Variants in NKAIN2 observed in about 807,000 individuals in gnomAD.
NKAIN2 encodes sodium/potassium transporting ATPase interacting 2, also known as sodium/potassium-transporting ATPase subunit beta-1-interacting protein 2.
In NKAIN2, 14 loss-of-function variants were observed where a neutral mutation model predicts 32.6. The observed-to-expected ratio is 0.43, with a 90% CI of 0.28 to 0.67. NKAIN2 has a LOEUF of 0.67. Among genes scored for constraint, NKAIN2 ranks in the 30% least tolerant of loss-of-function variants. The probability of loss-of-function intolerance (pLI) is 0.17; values close to 1 mark genes in which losing one functional copy is unlikely to be tolerated. For synonymous variants in NKAIN2, 80 were observed against 87.2 expected (o/e 0.92, Z 0.46); for missense variants, 198 against 258.3 (o/e 0.77, Z 1.60).
chr6:124,377,030 T>A (rs917691524), intron 3 of NKAIN2, among the ~76,000 whole-genome samples: 1 of 152,202 alleles, frequency 6.6e-6, no homozygotes, highest in Non-Finnish European at 1.5e-5. Flanking sequence ...ATCACCCATT[T>A]AAGGTGGGTT....
intron 1 of NKAIN2, among the ~76,000 whole-genome samples, chr6:124,021,242 C>T (rs189179183): frequency 4.2e-4 from 64 of 152,124 alleles, no homozygotes; most frequent in African/African-American, 1.3e-3. Context: ...CGTACACACA[C>T]GTAACAATAT....
At chr6:124,199,835 A>G (rs1314825844) in intron 1 of NKAIN2, among the ~76,000 whole-genome samples, 1 of 152,166 alleles carries the variant, frequency 6.6e-6, no homozygotes, top group African/African-American at 2.4e-5. Context: ...AGCACAGTGC[A>G]CCAAAATGTA....
At chr6:123,850,472 G>A (rs887209834) in intron 1 of NKAIN2, among the ~76,000 whole-genome samples, 2 of 152,008 alleles carry the variant, frequency 1.3e-5, no homozygotes, top group Non-Finnish European at 2.9e-5. Flanking sequence ...TTAGAATTGA[G>A]GCAATGAGTA....
chr6:123,999,591 T>G (rs532731102), intron 1 of NKAIN2, among the ~76,000 whole-genome samples: 1 of 152,288 alleles, frequency 6.6e-6, no homozygotes, highest in African/African-American at 2.4e-5. Flanking sequence ...AACTTAAGTT[T>G]TATCCTGATT....
intron 4 of NKAIN2, among the ~76,000 whole-genome samples, chr6:124,771,912 A>T (rs1481827499): frequency 6.6e-6 from 1 of 152,162 alleles, no homozygotes; most frequent in East Asian, 1.9e-4. Context: ...ATGTTAGAGG[A>T]GTTGCTAGAG....
intron 3 of NKAIN2, chr6:124,490,442 T>G: frequency 2.5e-6 from 1 of 398,648 alleles, no homozygotes; most frequent in South Asian, 1.9e-5. Context: ...AGAATTCTTG[T>G]TCATGGTTCA....
chr6:124,471,386 ATCAC>A (rs1387015625), intron 3 of NKAIN2, among the ~76,000 whole-genome samples: 1 of 152,120 alleles, frequency 6.6e-6, no homozygotes, highest in Non-Finnish European at 1.5e-5. Context: ...CCCTAAAATA[ATCAC>A]TCCAGTCAAC....
intron 3 of NKAIN2, among the ~76,000 whole-genome samples, chr6:124,503,567 GTTCA>G (rs1778372317): frequency 6.6e-6 from 1 of 152,056 alleles, no homozygotes; most frequent in Non-Finnish European, 1.5e-5. Flanking sequence ...ATAGGAAGGG[GTTCA>G]TTAATTTCTA....
chr6:124,464,841 C>T (rs1406153213), intron 3 of NKAIN2, among the ~76,000 whole-genome samples: 1 of 151,962 alleles, frequency 6.6e-6, no homozygotes, highest in African/African-American at 2.4e-5. Flanking sequence ...ATTGTCTTGG[C>T]TATATGGGCT....
At chr6:124,006,945 A>G (rs1050330485) in intron 1 of NKAIN2, among the ~76,000 whole-genome samples, 5 of 152,204 alleles carry the variant, frequency 3.3e-5, no homozygotes, top group Non-Finnish European at 7.3e-5. Context: ...AAATTTAGCC[A>G]TTTAGTAATA....
At chr6:124,659,527 A>G (rs1034156464) in intron 4 of NKAIN2, among the ~76,000 whole-genome samples, 10 of 152,020 alleles carry the variant, frequency 6.6e-5, no homozygotes, top group African/African-American at 2.2e-4. Context: ...GTTGTGATAG[A>G]CTAAGGAAGC....
intron 3 of NKAIN2, among the ~76,000 whole-genome samples, chr6:124,367,574 T>C (rs750615597): frequency 6.6e-6 from 1 of 152,202 alleles, no homozygotes; most frequent in Non-Finnish European, 1.5e-5. Context: ...TTTTTAATTA[T>C]AGATTATGGT....
intron 3 of NKAIN2, among the ~76,000 whole-genome samples, chr6:124,457,674 A>AC (rs1227043418): frequency 6.6e-6 from 1 of 151,930 alleles, no homozygotes; most frequent in African/African-American, 2.4e-5. Context: ...ACTCCACAGG[A>AC]TACACATTAT....
At position 123,804,079 on chromosome 6, in the gene NKAIN2, GCCCGGAGC is replaced by G. The variant is rs1773108325; in HGVS notation, c.-118_-111del. 3.4e-6 allele frequency: 3 copies of G among 891,490 alleles called. No homozygotes were observed. The highest frequency in any genetic ancestry group is 5.7e-6 in the Non-Finnish European group (3 of 525,792). 55.2% of individuals were successfully genotyped at this position (891,490 alleles called of 1,614,324 possible). On this transcript the variant is annotated 5_prime_UTR_variant, in exon 1 of 7. An upstream open reading frame in the 5' UTR loses its in-frame stop. Coordinates refer to ENST00000368417, the MANE Select transcript of NKAIN2 (RefSeq NM_001040214.3). ...TCCCAGGACGCTGGCAGCAGCAGCA[GCCCGGAGC>G]CCCCGAGCCCTCGGCAGGTTTGCGT...
At chr6:124,779,149 T>C (rs1187213784) in intron 4 of NKAIN2, among the ~76,000 whole-genome samples, 2 of 151,514 alleles carry the variant, frequency 1.3e-5, no homozygotes, top group East Asian at 3.9e-4. Context: ...TTTTGAGATG[T>C]GGGAGAATCA....
chr6:124,698,425 G>A (rs1774608920), intron 4 of NKAIN2, among the ~76,000 whole-genome samples: 1 of 152,150 alleles, frequency 6.6e-6, no homozygotes, highest in Non-Finnish European at 1.5e-5. Context: ...TTACCCTGAA[G>A]AAAATTTGAA....
chr6:124,107,309 C>T (rs1785168789), intron 1 of NKAIN2, among the ~76,000 whole-genome samples: 1 of 152,072 alleles, frequency 6.6e-6, no homozygotes, highest in Non-Finnish European at 1.5e-5. Flanking sequence ...TGTTACATGA[C>T]TTTACTTGTT....
At chr6:123,882,951 T>C (rs1192048239) in intron 1 of NKAIN2, among the ~76,000 whole-genome samples, 2 of 152,050 alleles carry the variant, frequency 1.3e-5, no homozygotes, top group African/African-American at 4.8e-5. Context: ...GTGAGCCTTC[T>C]TGTTTGGTCT....
intron 1 of NKAIN2, among the ~76,000 whole-genome samples, chr6:123,895,653 C>T (rs1316055701): frequency 6.6e-6 from 1 of 152,082 alleles, no homozygotes; most frequent in Non-Finnish European, 1.5e-5. Context: ...CAGAAGAGAT[C>T]CTTTGACAGC....
Sources: allele counts gnomAD v4.1 joint callset (sites outside exome capture counted in the v4.1 genomes callset), GRCh38; gene constraint gnomAD v4.1.1; transcripts MANE v1.5; gene names NCBI Gene and HGNC (gene_info 2026-07-23, HGNC 2026-07-21).